ZNF236: variants seen among roughly 807,000 people sequenced by gnomAD.
ZNF236 encodes regulated by glucose.
In ZNF236, 50 loss-of-function variants were observed where a neutral mutation model predicts 191.2. The observed-to-expected ratio is 0.26, with a 90% confidence interval of 0.21 to 0.33. The LOEUF (loss-of-function observed/expected upper bound fraction) is 0.33, where lower values mean the gene tolerates loss of function less well. Among genes scored for constraint, ZNF236 ranks in the 10% least tolerant of loss-of-function variants. The pLI is 1.00. For missense variants in ZNF236, 1,754 were observed against 2,374.5 expected (o/e 0.74, Z 5.43); for synonymous variants, 907 against 928.8 (o/e 0.98, Z 0.43).
intron 19 of ZNF236, among the ~76,000 whole-genome samples, chr18:76,916,438 A>G (rs1967366278): frequency 6.6e-6 from 1 of 152,222 alleles, no homozygotes; most frequent in South Asian, 2.1e-4. Context: ...TGTCTCATGT[A>G]ATAGACACAA....
rs769237443 is a variant in ZNF236, at chr18:76,881,473, G to GA, written c.1387dup (p.Met463AsnfsTer104). The GA allele has an allele frequency of 2.5e-5, 40 of 1,592,568 alleles. No homozygotes were observed. The highest frequency in any genetic ancestry group is 1.1e-4 in the Admixed American group (6 of 56,222). On this transcript the variant is annotated frameshift_variant, in exon 9 of 31. Coordinates refer to ENST00000320610, the MANE Select transcript of ZNF236 (RefSeq NM_001306089.2). LOFTEE classifies it high-confidence loss of function. ...AAGCCCGGAGAAACTGGATAAAAAA[G>GA]AAAAAAAAATGATAAAGAAGAAGTC... is the stretch of plus-strand genomic sequence containing the variant.
chr18:76,959,800 C>T lies in ZNF236; in HGVS notation c.5226C>T (p.His1742=), dbSNP rs1455305883. 3.7e-6 allele frequency: 6 copies of T among 1,613,936 alleles called. No homozygotes were observed. Among genetic ancestry groups the T allele is most frequent in the African/African-American group, 1.3e-5 (1 of 74,918 alleles). ...CCAAACCAAGCCAGCTGGAGCGCCA[C>T]AGCCGCATACATACAGGTAACGGGG... ...AFAKPSQLER[H]SRIHTGERPF... The change falls in exon 29 of 31, where the codon CAC becomes CAT. Residue 1742 remains histidine (H), a synonymous_variant. Transcript: ENST00000320610.
At chr18:76,965,249 T>C (rs1006120590) in intron 30 of ZNF236, among the ~76,000 whole-genome samples, 3 of 152,230 alleles carry the variant, frequency 2.0e-5, no homozygotes, top group Non-Finnish European at 2.9e-5. Flanking sequence ...TTGTTTTTTA[T>C]TTATGCTATC....
chr18:76,939,578 A>G (rs893702497), intron 26 of ZNF236, among the ~76,000 whole-genome samples: 13 of 152,204 alleles, frequency 8.5e-5, no homozygotes, highest in Admixed American at 7.2e-4. Flanking sequence ...AACACACTTC[A>G]AATCCAGGTA....
chr18:76,937,061 T>G (rs2122878588), intron 25 of ZNF236, 95 bp from the exon 26 acceptor site: 1 of 1,175,710 alleles, frequency 8.5e-7, no homozygotes, highest in South Asian at 1.5e-5. Context: ...GCATGAATGC[T>G]GCTTCCTGCA....
chr18:76,931,739 A>AATAAATGAGCTCATGTAAG (rs1491493382), intron 25 of ZNF236, among the ~76,000 whole-genome samples: 2 of 152,262 alleles, frequency 1.3e-5, no homozygotes, highest in East Asian at 3.8e-4. Flanking sequence ...GCACCAACGT[A>AATAAATGAGCTCATGTAAG]ATAAATGAGC....
intron 27 of ZNF236, among the ~76,000 whole-genome samples, chr18:76,949,977 A>G (rs1968364181): frequency 6.6e-6 from 1 of 151,676 alleles, no homozygotes. Context: ...TTTTTTTTTA[A>G]ATGTACATAC....
In ZNF236 at chr18:76,947,564, G is replaced by T; in HGVS notation, c.4826G>T (p.Gly1609Val). Residue 1609 changes from glycine (G) to valine (V), a missense_variant, in exon 27 of 31, where the codon GGC (glycine) becomes GTC (valine). Around this residue, in one of 5 missense-constraint regions of ZNF236, gnomAD observed 606 missense variants for 761.5 expected, o/e 0.80. Transcript: ENST00000320610. ...CTCCTCACGGATCCCTCTCTCTCGGGCCAGGGTGGAGCAGGCTCGCCGCAA... is the reference window on the plus strand; with the variant it reads ...CTCCTCACGGATCCCTCTCTCTCGGTCCAGGGTGGAGCAGGCTCGCCGCAA... ...PALLTDPSLS[G>V]QGGAGSPQVI... is the part of the protein sequence containing the mutation. The T allele has an allele frequency of 6.2e-7, 1 of 1,614,094 alleles. No homozygotes were observed. The highest frequency in any genetic ancestry group is 8.5e-7 in the Non-Finnish European group (1 of 1,180,020).
chr18:76,847,436 C>A (rs1975723171), intron 1 of ZNF236, among the ~76,000 whole-genome samples: 1 of 151,958 alleles, frequency 6.6e-6, no homozygotes, highest in Admixed American at 6.6e-5. Flanking sequence ...TTGCTAGGGT[C>A]CCAACAATCA....
intron 1 of ZNF236, chr18:76,824,129 A>G (rs991960416): frequency 3.4e-5 from 20 of 585,080 alleles, no homozygotes; most frequent in Admixed American, 5.9e-5. Context: ...GCTTGTGACC[A>G]AACAACACAG....
chr18:76,946,819 A>G (rs867778548), intron 26 of ZNF236, among the ~76,000 whole-genome samples: 2 of 152,242 alleles, frequency 1.3e-5, no homozygotes, highest in Non-Finnish European at 2.9e-5. Flanking sequence ...AAAATTGTAT[A>G]TGTGTTTCTA....
At chr18:76,895,331 C>G (rs1207447006) in intron 10 of ZNF236, 46 bp downstream of exon 10, 2 of 1,590,642 alleles carry the variant, frequency 1.3e-6, no homozygotes, top group South Asian at 2.2e-5. Context: ...CCACGGGGGC[C>G]ACACACATTA....
rs148104929 is a variant in ZNF236 at position 76,877,969 on chromosome 18, T to G, written c.841-40T>G. ...AATTTAGATGTTTAAATTTAACAAT[T>G]AATTGTAAAACATCATTTTTTTCCT... On this transcript the variant is annotated intron_variant, in intron 6 of 30. Transcript: ENST00000320610. 4,963 of 1,462,420 alleles carry G rather than the reference T, an allele frequency of 3.4e-3. 13 individuals carry two copies. The highest frequency in any genetic ancestry group is 0.012 in the Middle Eastern group (61 of 4,978). The allele number at this position is 1,462,420 out of a possible 1,614,324, so 90.6% of individuals were successfully genotyped here. A position where few individuals can be genotyped will look rare whatever the true frequency, so the allele number is the denominator to read the frequency against.
intron 26 of ZNF236, among the ~76,000 whole-genome samples, chr18:76,940,954 C>T (rs1968120787): frequency 6.6e-6 from 1 of 152,204 alleles, no homozygotes; most frequent in African/African-American, 2.4e-5. Flanking sequence ...CTATTGTGAA[C>T]TACACATGTG....
chr18:76,913,202 AT>A (rs768116484), intron 17 of ZNF236, among the ~76,000 whole-genome samples: 8 of 152,368 alleles, frequency 5.3e-5, no homozygotes, highest in East Asian at 3.9e-4. Flanking sequence ...AATCCTTAAG[AT>A]AACATTAGTC....
At chr18:76,859,869 T>TG (rs1976163521) in intron 3 of ZNF236, among the ~76,000 whole-genome samples, 1 of 152,060 alleles carries the variant, frequency 6.6e-6, no homozygotes, top group Admixed American at 6.6e-5. Flanking sequence ...AAACATGGGG[T>TG]GGCCTGAGGC....
intron 6 of ZNF236, among the ~76,000 whole-genome samples, chr18:76,877,739 T>A (rs1287545147): frequency 2.6e-5 from 4 of 152,224 alleles, no homozygotes; most frequent in Non-Finnish European, 4.4e-5. Flanking sequence ...TAAATTACAA[T>A]AATTGAAAAA....
intron 3 of ZNF236, among the ~76,000 whole-genome samples, chr18:76,862,843 C>T (rs1387414650): frequency 6.6e-6 from 1 of 152,156 alleles, no homozygotes; most frequent in Non-Finnish European, 1.5e-5. Context: ...CCCAAAGTGT[C>T]TAGGACACAG....
intron 10 of ZNF236, chr18:76,898,282 CT>C (rs1977493411): frequency 6.6e-6 from 1 of 152,174 alleles, no homozygotes. Context: ...GAATTGTGCA[CT>C]CTACACCACT....
Sources: allele counts gnomAD v4.1 joint callset (sites outside exome capture counted in the v4.1 genomes callset), GRCh38; gene constraint gnomAD v4.1.1; regional missense constraint gnomAD v4.1.1; transcripts MANE v1.5; gene names NCBI Gene and HGNC (gene_info 2026-07-23, HGNC 2026-07-21).